Variants in PDE4D observed in about 807,000 individuals in gnomAD.
The protein encoded by PDE4D is phosphodiesterase 4D.
Under a neutral mutation model 87.4 loss-of-function variants are expected in PDE4D, and 24 were observed. The ratio of observed to expected loss-of-function variants is 0.27; its 90% CI spans 0.20 to 0.39. The LOEUF (loss-of-function observed/expected upper bound fraction) is 0.39. Ranked by LOEUF, PDE4D falls within the 10% of genes least tolerant of loss-of-function variation. The pLI is 1.00. For synonymous variants in PDE4D, 384 were observed against 383.2 expected, an observed-to-expected ratio of 1.00 and a Z score of -0.02; for missense variants, 714 against 1,041.0, an observed-to-expected ratio of 0.69 and a Z score of 4.32.
At chr5:60,038,779 C>T (rs1489773511) in intron 2 of PDE4D, among the ~76,000 whole-genome samples, 7 of 151,622 alleles carry the variant, frequency 4.6e-5, no homozygotes, top group African/African-American at 1.7e-4. Context: ...GAGTGAAGGA[C>T]ATGAACAGAC....
At chr5:59,507,679 A>AAAAAAAAAAAAAAAG (rs61334148) in intron 1 of PDE4D, among the ~76,000 whole-genome samples, 6 of 118,706 alleles carry the variant, frequency 5.1e-5, no homozygotes, top group African/African-American at 1.1e-4. Flanking sequence ...AAAAAAAAAA[A>AAAAAAAAAAAAAAAG]AAAAGAAAAG....
At chr5:59,028,697 A>C (rs1261542205) in intron 6 of PDE4D, among the ~76,000 whole-genome samples, 1 of 152,066 alleles carries the variant, frequency 6.6e-6, no homozygotes, top group Non-Finnish European at 1.5e-5. Flanking sequence ...TATGAATTGG[A>C]ATATTTCTGC....
chr5:59,319,819 G>T (rs928361103), intron 1 of PDE4D, among the ~76,000 whole-genome samples: 1 of 152,098 alleles, frequency 6.6e-6, no homozygotes, highest in Non-Finnish European at 1.5e-5. Context: ...GCTGCAGTAT[G>T]AGTTTTTCAA....
chr5:59,203,156 C>G (rs1184400256), intron 2 of PDE4D, among the ~76,000 whole-genome samples: 1 of 151,958 alleles, frequency 6.6e-6, no homozygotes. Context: ...CCAGCTTGGG[C>G]AACATCGTGA....
intron 2 of PDE4D, among the ~76,000 whole-genome samples, chr5:60,101,112 G>A (rs1400899874): frequency 2.6e-5 from 4 of 152,102 alleles, no homozygotes; most frequent in Non-Finnish European, 4.4e-5. Context: ...GGTTATTTGT[G>A]TGGTGCAGCA....
intron 1 of PDE4D, among the ~76,000 whole-genome samples, chr5:59,326,516 C>A (rs1002702084): frequency 1.3e-5 from 2 of 151,532 alleles, no homozygotes; most frequent in Non-Finnish European, 2.9e-5. Flanking sequence ...ATAATACACA[C>A]TCTGGATTTT....
At chr5:59,654,028 G>T (rs544732360) in intron 1 of PDE4D, among the ~76,000 whole-genome samples, 21 of 152,112 alleles carry the variant, frequency 1.4e-4, no homozygotes, top group African/African-American at 4.8e-4. Flanking sequence ...CAACCTGGTG[G>T]AACACCGTCT....
At chr5:60,304,774 A>T (rs898587562) in intron 1 of PDE4D, among the ~76,000 whole-genome samples, 2 of 152,062 alleles carry the variant, frequency 1.3e-5, no homozygotes, top group African/African-American at 4.8e-5. Context: ...TCAAAGAATC[A>T]GGCTGCAGAA....
At chr5:59,203,404 C>T (rs1747995269) in intron 2 of PDE4D, among the ~76,000 whole-genome samples, 1 of 151,842 alleles carries the variant, frequency 6.6e-6, no homozygotes, top group African/African-American at 2.4e-5. Context: ...TAAACTAGTA[C>T]AGTCACTATG....
At chr5:60,116,650 A>T (rs1778196456) in intron 2 of PDE4D, among the ~76,000 whole-genome samples, 1 of 152,104 alleles carries the variant, frequency 6.6e-6, no homozygotes. Context: ...TTTATGGGAA[A>T]ATTCGGTTGG....
intron 1 of PDE4D, among the ~76,000 whole-genome samples, chr5:60,368,181 G>T (rs574451599): frequency 6.6e-6 from 1 of 152,194 alleles, no homozygotes; most frequent in South Asian, 2.1e-4. Flanking sequence ...TTTAAAATAG[G>T]AAAAGTCGTA....
chr5:60,201,910 AT>A (rs1336131177), intron 1 of PDE4D, among the ~76,000 whole-genome samples: 2 of 152,220 alleles, frequency 1.3e-5, no homozygotes, highest in Admixed American at 6.5e-5. Flanking sequence ...TTTTATCAGC[AT>A]ATGGAACACA....
intron 1 of PDE4D, among the ~76,000 whole-genome samples, chr5:60,259,065 C>CT (rs2149699566): frequency 6.6e-6 from 1 of 152,136 alleles, no homozygotes; most frequent in Admixed American, 6.5e-5. Context: ...TTTACTATCT[C>CT]TATCTTCAGA....
chr5:59,993,536 A>G (rs374687706), intron 2 of PDE4D, among the ~76,000 whole-genome samples: 2 of 152,164 alleles, frequency 1.3e-5, no homozygotes, highest in African/African-American at 2.4e-5. Context: ...CATTTTTATA[A>G]AACAATAATA....
intron 1 of PDE4D, among the ~76,000 whole-genome samples, chr5:59,452,534 T>C (rs1199843215): frequency 6.6e-6 from 1 of 152,072 alleles, no homozygotes; most frequent in African/African-American, 2.4e-5. Flanking sequence ...TAGCTAAGGG[T>C]GAAGCCATGG....
chr5:59,901,829 A>C (rs1338507072), intron 3 of PDE4D, among the ~76,000 whole-genome samples: 1 of 151,976 alleles, frequency 6.6e-6, no homozygotes, highest in African/African-American at 2.4e-5. Flanking sequence ...GTGGTAAAAC[A>C]ATTTACCATT....
chr5:59,040,928 G>A (rs1336423687), intron 5 of PDE4D, among the ~76,000 whole-genome samples: 2 of 152,158 alleles, frequency 1.3e-5, no homozygotes, highest in Non-Finnish European at 2.9e-5. Context: ...CTTTGTAAAA[G>A]TTAGAGTAAC....
chr5:60,451,420 C>T (rs1239697689), intron 1 of PDE4D, among the ~76,000 whole-genome samples: 4 of 151,984 alleles, frequency 2.6e-5, no homozygotes, highest in Non-Finnish European at 4.4e-5. Flanking sequence ...GGCCTCTTTG[C>T]TACTTCTATA....
intron 1 of PDE4D, among the ~76,000 whole-genome samples, chr5:59,634,049 C>G (rs1831928070): frequency 9.4e-6 from 1 of 106,368 alleles, no homozygotes; most frequent in Non-Finnish European, 1.9e-5. Flanking sequence ...GAAGATTTAC[C>G]AAACAAACAG....
Sources: gnomAD v4.1 joint callset for allele counts (sites outside exome capture counted in the v4.1 genomes callset) on GRCh38, gnomAD v4.1.1 for gene constraint, MANE v1.5 for transcripts, NCBI Gene and HGNC (gene_info 2026-07-23, HGNC 2026-07-21) for gene names.